RIC1: variants seen among roughly 807,000 people sequenced by gnomAD.
RIC1 encodes RIC1 partner of RAB6A GEF complex, also known as guanine nucleotide exchange factor subunit RIC1.
A neutral mutation model predicts 169.0 loss-of-function variants in RIC1; 88 were observed. The ratio of observed to expected loss-of-function variants is 0.52; its 90% CI spans 0.44 to 0.62. The LOEUF (loss-of-function observed/expected upper bound fraction) is 0.62. Among genes scored for constraint, RIC1 ranks in the 20% least tolerant of loss-of-function variants. The pLI is 0.00. For synonymous variants in RIC1, 790 were observed against 601.5 expected (o/e 1.31, Z -4.59); for missense variants, 1,877 against 1,725.5 (o/e 1.09, Z -1.56).
At chr9:5,704,260 C>T (rs7033175) in intron 3 of RIC1, among the ~76,000 whole-genome samples, 48,506 of 151,152 alleles carry the variant, frequency 0.32, 10,980 homozygotes, top group African/African-American at 0.65. Context: ...GCTCTGTCTT[C>T]CAGGCAGTGT....
At chr9:5,653,584 T>TTTTCTTTCTTTC (rs139617606) in intron 1 of RIC1, among the ~76,000 whole-genome samples, 5 of 150,574 alleles carry the variant, frequency 3.3e-5, no homozygotes. Context: ...CCATTTATTT[T>TTTTCTTTCTTTC]TTTCTTTCTT....
chr9:5,719,544 C>T (rs1348216309), intron 4 of RIC1: 1 of 152,192 alleles, frequency 6.6e-6, no homozygotes, highest in Non-Finnish European at 1.5e-5. Flanking sequence ...AAGGAATGAA[C>T]AATGTGAGAC....
chr9:5,770,201 C>T lies in RIC1; in HGVS notation c.3539C>T (p.Thr1180Ile). The change falls in exon 23 of 26, where the codon ACC becomes ATC. Residue 1180 changes from threonine (T) to isoleucine (I), a missense_variant. Physicochemically the swap from Thr to Ile is moderately conservative, Grantham distance 89. This residue lies in a region of RIC1 where 681 missense variants were observed against 582.0 expected (regional missense o/e 1.17). Transcript: ENST00000414202. ...AGCTGGCTCAGCAACATTGGCCCCACCCATCATGAGATAGACACAGCTTCA... is the reference window on the plus strand; with the variant it reads ...AGCTGGCTCAGCAACATTGGCCCCATCCATCATGAGATAGACACAGCTTCA... ...SQSWLSNIGPTHHEIDTASSH... is the reference protein window; with the variant it reads ...SQSWLSNIGPIHHEIDTASSH... The T allele has an allele frequency of 6.2e-7, 1 of 1,614,012 alleles. No homozygotes were observed. Among genetic ancestry groups the T allele is most frequent in the South Asian group, 1.1e-5 (1 of 91,072 alleles).
chr9:5,640,832 C>G (rs903806106), intron 1 of RIC1, among the ~76,000 whole-genome samples: 2 of 152,148 alleles, frequency 1.3e-5, no homozygotes, highest in Non-Finnish European at 1.5e-5. Flanking sequence ...CTTTGTTTCT[C>G]CTTCATGCTT....
chr9:5,684,383 G>A (rs1356651549), intron 2 of RIC1, among the ~76,000 whole-genome samples: 2 of 147,034 alleles, frequency 1.4e-5, no homozygotes, highest in African/African-American at 5.0e-5. Context: ...TTTGGGGAGA[G>A]TTGCTATCTT....
intron 1 of RIC1, among the ~76,000 whole-genome samples, chr9:5,645,704 C>T (rs1387965708): frequency 6.6e-6 from 1 of 152,174 alleles, no homozygotes; most frequent in Non-Finnish European, 1.5e-5. Context: ...AAGTTTTATC[C>T]ATGCTGTAGC....
At chr9:5,702,749 G>A (rs541226248) in intron 3 of RIC1, among the ~76,000 whole-genome samples, 1 of 152,194 alleles carries the variant, frequency 6.6e-6, no homozygotes, top group East Asian at 1.9e-4. Flanking sequence ...CTTTCACCCT[G>A]TTGCCCAGGC....
chr9:5,767,737 A>G (rs1302570273), intron 21 of RIC1, among the ~76,000 whole-genome samples: 1 of 151,566 alleles, frequency 6.6e-6, no homozygotes, highest in Non-Finnish European at 1.5e-5. Flanking sequence ...ACAGGCATGC[A>G]CCACCACGCC....
intron 17 of RIC1, among the ~76,000 whole-genome samples, chr9:5,760,308 T>G (rs1277967800): frequency 6.6e-6 from 1 of 152,212 alleles, no homozygotes; most frequent in Admixed American, 6.5e-5. Context: ...GAAAGCTTTA[T>G]TAAAGTTGCT....
rs1304023494 is a variant in RIC1, at chr9:5,689,665, C to CA, written c.253-290dup. On this transcript the variant is annotated intron_variant, in intron 2 of 25. Transcript: ENST00000414202. The stretch of plus-strand genomic sequence containing the variant: ...AGTTCAAAAAGTACTATATATTTTG[C>CA]AAAATAGTCACTTACTCATTATTGA... 2.0e-5 allele frequency among the ~76,000 whole-genome samples: 3 copies of CA among 152,028 alleles called. No homozygotes were observed. The East Asian group carries it at 5.8e-4, about 29-fold the overall frequency.
chr9:5,756,538 TA>T (rs570498759), intron 16 of RIC1, among the ~76,000 whole-genome samples, 166 bp downstream of exon 16: 19 of 147,946 alleles, frequency 1.3e-4, no homozygotes, highest in African/African-American at 2.0e-4. Flanking sequence ...ATATAATAGC[TA>T]AAAAAAAAAG....
At chr9:5,644,803 T>C (rs1818422025) in intron 1 of RIC1, among the ~76,000 whole-genome samples, 1 of 152,206 alleles carries the variant, frequency 6.6e-6, no homozygotes, top group Admixed American at 6.5e-5. Context: ...TACTAAGTCA[T>C]ATGGCAAGTT....
At chr9:5,654,356 C>T (rs1278874354) in intron 1 of RIC1, among the ~76,000 whole-genome samples, 1 of 152,150 alleles carries the variant, frequency 6.6e-6, no homozygotes, top group Non-Finnish European at 1.5e-5. Context: ...AAGCGATTCT[C>T]CTGCCACATT....
At chr9:5,639,883 A>G (rs546971535) in intron 1 of RIC1, among the ~76,000 whole-genome samples, 1 of 152,174 alleles carries the variant, frequency 6.6e-6, no homozygotes, top group Non-Finnish European at 1.5e-5. Context: ...CAGTATTTAT[A>G]TAATTACTCC....
chr9:5,640,174 G>A lies in RIC1; in HGVS notation c.144+10721G>A, dbSNP rs78561795. Among the ~76,000 whole-genome samples the A allele has an allele frequency of 2.0e-5, 3 of 152,268 alleles. No homozygotes were observed. In the East Asian group the frequency reaches 5.8e-4, roughly 29 times the overall value. Reference sequence around the variant, plus strand: ...ACTTGCTGTGTTCCTTTTAGTGAAGGTGGTTTTCTCTGGTGCTATGATTTA... The same window carrying A: ...ACTTGCTGTGTTCCTTTTAGTGAAGATGGTTTTCTCTGGTGCTATGATTTA... On this transcript the variant is annotated intron_variant, in intron 1 of 25. Transcript: ENST00000414202.
intron 3 of RIC1, among the ~76,000 whole-genome samples, chr9:5,692,841 A>G (rs536342018): frequency 1.4e-4 from 21 of 152,174 alleles, no homozygotes; most frequent in African/African-American, 4.1e-4. Flanking sequence ...AGTTTGAGAC[A>G]CTGTTCTAAG....
intron 1 of RIC1, among the ~76,000 whole-genome samples, chr9:5,649,760 T>C (rs1199180310): frequency 1.3e-5 from 2 of 152,046 alleles, no homozygotes; most frequent in East Asian, 1.9e-4. Context: ...TTCACATTAC[T>C]TGTATACTTA....
At chr9:5,695,972 A>G (rs974009590) in intron 3 of RIC1, among the ~76,000 whole-genome samples, 9 of 152,054 alleles carry the variant, frequency 5.9e-5, no homozygotes, top group Admixed American at 5.2e-4. Flanking sequence ...TGCAGTTACC[A>G]TCATCTTTTG....
intron 10 of RIC1, among the ~76,000 whole-genome samples, chr9:5,744,931 A>G (rs998550479): frequency 6.6e-6 from 1 of 152,264 alleles, no homozygotes; most frequent in Non-Finnish European, 1.5e-5. Flanking sequence ...TGCTCCACAG[A>G]GGAAGACATT....
Sources: gnomAD v4.1 joint callset for allele counts (sites outside exome capture counted in the v4.1 genomes callset) on GRCh38, gnomAD v4.1.1 for gene constraint, gnomAD v4.1.1 regional missense constraint, MANE v1.5 for transcripts, NCBI Gene and HGNC (gene_info 2026-07-23, HGNC 2026-07-21) for gene names.